The following STRBP variants were observed in gnomAD, a reference collection of about 807,000 sequenced individuals.
The protein encoded by STRBP is spermatid perinuclear RNA-binding protein.
STRBP carries 13 observed loss-of-function variants against 80.1 expected under a neutral mutation model. The ratio of observed to expected loss-of-function variants is 0.16; its 90% CI spans 0.11 to 0.26. STRBP has a LOEUF of 0.26. STRBP is among the 10% of genes least tolerant of loss of function. STRBP has a pLI of 1.00. For synonymous variants in STRBP, 284 were observed against 291.2 expected (o/e 0.98, Z 0.25); for missense variants, 485 against 815.2 (o/e 0.59, Z 4.93).
intron 1 of STRBP, among the ~76,000 whole-genome samples, chr9:123,243,486 T>A (rs1482474731): frequency 6.6e-6 from 1 of 152,164 alleles, no homozygotes; most frequent in Non-Finnish European, 1.5e-5. Context: ...TCAAAATTAA[T>A]TTTTGTTCTA....
chr9:123,244,406 A>G (rs1167993668), intron 1 of STRBP, among the ~76,000 whole-genome samples: 2 of 152,320 alleles, frequency 1.3e-5, no homozygotes, highest in Middle Eastern at 3.4e-3. Flanking sequence ...TTGTTGTCAA[A>G]ACCCACAGAC....
At chr9:123,232,515 C>A (rs1242354202) in intron 2 of STRBP, among the ~76,000 whole-genome samples, 2 of 152,168 alleles carry the variant, frequency 1.3e-5, no homozygotes, top group Non-Finnish European at 2.9e-5. Context: ...TACTTCATTC[C>A]ATTCACAAAA....
chr9:123,167,038 T>G (rs1219668029), intron 6 of STRBP, among the ~76,000 whole-genome samples: 1 of 152,174 alleles, frequency 6.6e-6, no homozygotes, highest in African/African-American at 2.4e-5. Context: ...GAGTAGGTAG[T>G]TAGATCCATT....
chr9:123,252,004 T>C (rs1163864720), intron 1 of STRBP, among the ~76,000 whole-genome samples: 1 of 151,868 alleles, frequency 6.6e-6, no homozygotes, highest in Non-Finnish European at 1.5e-5. Flanking sequence ...AAATCCCTCA[T>C]CATTAGCTTG....
chr9:123,245,961 T>C (rs963663079), intron 1 of STRBP, among the ~76,000 whole-genome samples: 3 of 152,226 alleles, frequency 2.0e-5, no homozygotes, highest in Non-Finnish European at 4.4e-5. Flanking sequence ...TTATGGTTTA[T>C]TTTTAAATAA....
At position 123,265,394 on chromosome 9, in the gene STRBP, C is replaced by G. The variant is rs199893982; in HGVS notation, c.-302+3042G>C. Among the ~76,000 whole-genome samples, 16 of 152,218 alleles carry G rather than the reference C, an allele frequency of 1.1e-4. No homozygotes were observed. In the East Asian group the frequency reaches 3.1e-3, roughly 29 times the overall value. On this transcript the variant is annotated intron_variant, in intron 1 of 18. Coordinates refer to ENST00000348403, the MANE Select transcript of STRBP (RefSeq NM_018387.5). ...AAAGCTCCCAAGCTACCAAAGCGAA[C>G]CTTTTATTTGAAATCATACTAGGTA...
chr9:123,218,653 G>A (rs1013466266), intron 2 of STRBP, among the ~76,000 whole-genome samples: 3 of 152,174 alleles, frequency 2.0e-5, no homozygotes, highest in Admixed American at 1.3e-4. Context: ...ACAGGCGTGA[G>A]CCACCGCGCC....
chr9:123,151,336 A>C (rs562908188), intron 11 of STRBP, among the ~76,000 whole-genome samples: 115 of 152,340 alleles, frequency 7.5e-4, no homozygotes, highest in Admixed American at 2.0e-3. Flanking sequence ...TGAAAAGCAC[A>C]ATGAACAAGT....
chr9:123,245,112 G>C (rs1402761661), intron 1 of STRBP, among the ~76,000 whole-genome samples: 1 of 152,128 alleles, frequency 6.6e-6, no homozygotes, highest in African/African-American at 2.4e-5. Flanking sequence ...AAATTACAGA[G>C]ATGGATTACT....
chr9:123,226,277 A>G (rs978845313), intron 2 of STRBP, among the ~76,000 whole-genome samples: 8 of 152,220 alleles, frequency 5.3e-5, no homozygotes, highest in Non-Finnish European at 1.0e-4. Flanking sequence ...GTAGTAATGG[A>G]TATATCTTGA....
At chr9:123,259,108 G>A (rs1035613967) in intron 1 of STRBP, among the ~76,000 whole-genome samples, 2 of 151,792 alleles carry the variant, frequency 1.3e-5, no homozygotes, top group African/African-American at 4.8e-5. Flanking sequence ...TTTGGAGAAG[G>A]TAATGTAGGC....
chr9:123,158,240 C>T (rs1205709377), intron 10 of STRBP, 92 bp downstream of exon 10: 8 of 1,516,454 alleles, frequency 5.3e-6, no homozygotes, highest in Middle Eastern at 1.7e-4. Flanking sequence ...AAGTCCCTAA[C>T]AACACACAAG....
At chr9:123,236,551 T>C (rs189061115) in intron 2 of STRBP, among the ~76,000 whole-genome samples, 102 of 151,988 alleles carry the variant, frequency 6.7e-4, no homozygotes, top group African/African-American at 2.4e-3. Context: ...CATCAAATGA[T>C]AGTAATTTGC....
At chr9:123,247,743 C>T (rs1588152565) in intron 1 of STRBP, among the ~76,000 whole-genome samples, 1 of 152,178 alleles carries the variant, frequency 6.6e-6, no homozygotes, top group African/African-American at 2.4e-5. Flanking sequence ...AAGTAGTAAG[C>T]ACCCCATAAA....
chr9:123,139,992 G>A (rs539812813), intron 13 of STRBP, among the ~76,000 whole-genome samples: 20 of 152,254 alleles, frequency 1.3e-4, no homozygotes, highest in African/African-American at 4.6e-4. Context: ...AAACAAACAG[G>A]ATAGCTAGGT....
At chr9:123,156,473 T>C (rs2037289753) in intron 11 of STRBP, among the ~76,000 whole-genome samples, 1 of 152,078 alleles carries the variant, frequency 6.6e-6, no homozygotes, top group Non-Finnish European at 1.5e-5. Context: ...TTTACACTCT[T>C]AAAAAATTAT....
intron 1 of STRBP, among the ~76,000 whole-genome samples, chr9:123,250,261 A>G (rs1232245501): frequency 3.3e-5 from 5 of 152,260 alleles, no homozygotes; most frequent in Non-Finnish European, 7.3e-5. Flanking sequence ...ATGCAGAAGC[A>G]GCTATCTGAA....
intron 3 of STRBP, chr9:123,180,722 C>A: frequency 6.2e-6 from 1 of 162,042 alleles, no homozygotes; most frequent in Non-Finnish European, 1.3e-5. Context: ...GTCACACATC[C>A]AAAAACCTTT....
chr9:123,146,137 G>A (rs2132349099), intron 13 of STRBP, among the ~76,000 whole-genome samples: 1 of 152,082 alleles, frequency 6.6e-6, no homozygotes, highest in Non-Finnish European at 1.5e-5. Flanking sequence ...ACTTTTAAGT[G>A]AATCTGATCT....
Sources: gnomAD v4.1 joint callset for allele counts (sites outside exome capture counted in the v4.1 genomes callset) on GRCh38, gnomAD v4.1.1 for gene constraint, MANE v1.5 for transcripts, NCBI Gene and HGNC (gene_info 2026-07-23, HGNC 2026-07-21) for gene names.